Variants in C3orf70 observed in about 807,000 individuals in gnomAD.
The protein encoded by C3orf70 is UPF0524 protein C3orf70.
Under a neutral mutation model 20.7 loss-of-function variants are expected in C3orf70, and 15 were observed. The ratio of observed to expected loss-of-function variants is 0.72; its 90% CI spans 0.48 to 1.11. The LOEUF (loss-of-function observed/expected upper bound fraction) is 1.11. C3orf70 is among the 50% of genes most tolerant of loss of function. The pLI, the probability that C3orf70 is intolerant of heterozygous loss-of-function variation, is 0.00. For missense variants in C3orf70, 332 were observed against 317.6 expected (o/e 1.05, Z -0.34); for synonymous variants, 161 against 125.7 (o/e 1.28, Z -1.88).
At chr3:185,107,306 C>T (rs536832089) in intron 1 of C3orf70, among the ~76,000 whole-genome samples, 3 of 152,234 alleles carry the variant, frequency 2.0e-5, no homozygotes, top group South Asian at 2.1e-4. Context: ...TTATAACTTC[C>T]GTACCTATAA....
intron 1 of C3orf70, among the ~76,000 whole-genome samples, chr3:185,092,179 G>GT: frequency 6.6e-6 from 1 of 151,860 alleles, no homozygotes; most frequent in Admixed American, 6.6e-5. Context: ...ACTTCAGAAG[G>GT]TGGTTGAATG....
At chr3:185,148,605 C>T (rs1178469723) in intron 1 of C3orf70, among the ~76,000 whole-genome samples, 1 of 152,190 alleles carries the variant, frequency 6.6e-6, no homozygotes, top group East Asian at 1.9e-4. Flanking sequence ...CCTCCTCTCT[C>T]GCGAAGCCAT....
At chr3:185,134,515 T>C (rs1716583157) in intron 1 of C3orf70, among the ~76,000 whole-genome samples, 1 of 152,100 alleles carries the variant, frequency 6.6e-6, no homozygotes, top group Admixed American at 6.5e-5. Flanking sequence ...TCCTCCTATT[T>C]GCCAGACTTG....
chr3:185,137,600 A>C (rs1161497249), intron 1 of C3orf70, among the ~76,000 whole-genome samples: 1 of 152,234 alleles, frequency 6.6e-6, no homozygotes, highest in African/African-American at 2.4e-5. Flanking sequence ...TCAAGCGAGA[A>C]ACCAGTTAAT....
At chr3:185,126,769 C>G (rs748910413) in intron 1 of C3orf70, among the ~76,000 whole-genome samples, 2 of 152,184 alleles carry the variant, frequency 1.3e-5, no homozygotes, top group African/African-American at 2.4e-5. Context: ...TCAAAACTTA[C>G]AGAGCACATG....
intron 1 of C3orf70, among the ~76,000 whole-genome samples, chr3:185,112,867 TTTC>T (rs1432686534): frequency 7.3e-4 from 111 of 152,308 alleles, no homozygotes; most frequent in African/African-American, 2.6e-3. Flanking sequence ...TAATTAATAT[TTTC>T]TTTTTTTGAA....
intron 1 of C3orf70, among the ~76,000 whole-genome samples, chr3:185,086,662 G>C (rs1397919145): frequency 6.6e-6 from 1 of 152,188 alleles, no homozygotes; most frequent in Non-Finnish European, 1.5e-5. Context: ...AACTGACCAG[G>C]ACATGTAGTA....
rs1269939910 is a variant in C3orf70, at chr3:185,091,943, ATATATATATATATATATATATTTT to A, written c.197-8404_197-8381del. Among the ~76,000 whole-genome samples the A allele has an allele frequency of 4.7e-3, 38 of 8,000 alleles. 2 individuals are homozygous for A. The highest frequency in any genetic ancestry group is 8.6e-3 in the African/African-American group (23 of 2,686). 5.2% of individuals were successfully genotyped at this position (8,000 alleles called of 152,430 possible). ...TATATATATATATATATATATATAT[ATATATATATATATATATATATTTT>A]TTTTTTTTTTTAGTAGAGACAGGGT... On this transcript the variant is annotated intron_variant, in intron 1 of 1. Transcript: ENST00000335012.
At chr3:185,142,842 T>A (rs986061596) in intron 1 of C3orf70, among the ~76,000 whole-genome samples, 1 of 152,180 alleles carries the variant, frequency 6.6e-6, no homozygotes, top group Non-Finnish European at 1.5e-5. Context: ...CAAAAATGTT[T>A]AATCTAAATC....
intron 1 of C3orf70, among the ~76,000 whole-genome samples, chr3:185,095,926 G>A (rs371402243): frequency 2.6e-5 from 4 of 151,900 alleles, no homozygotes; most frequent in East Asian, 3.9e-4. Context: ...TAGTAGAGAC[G>A]GGGTTTCACC....
chr3:185,092,658 T>C lies in C3orf70; in HGVS notation c.197-9095A>G, dbSNP rs138295681. Among the ~76,000 whole-genome samples the C allele has an allele frequency of 3.0e-3, 454 of 152,154 alleles. 5 individuals are homozygous for C. The highest frequency in any genetic ancestry group is 0.01 in the African/African-American group (434 of 41,534). On this transcript the variant is annotated intron_variant, in intron 1 of 1. Coordinates refer to ENST00000335012, the MANE Select transcript of C3orf70 (RefSeq NM_001025266.3). ...AAATGATTAAAACCAATAAAAGTGA[T>C]AGGCAAAAAGTGGTAAGAAAGTAAA...
intron 1 of C3orf70, among the ~76,000 whole-genome samples, chr3:185,135,747 C>T (rs745550629): frequency 9.2e-5 from 14 of 152,060 alleles, no homozygotes; most frequent in Non-Finnish European, 1.9e-4. Context: ...CAAAATATCA[C>T]ATGTATCCCA....
Position 185,132,424 on chromosome 3 carries a change from CAAA to C in C3orf70, c.196+20201_196+20203del, listed in dbSNP as rs68193448. Among the ~76,000 whole-genome samples the C allele has an allele frequency of 4.8e-5, 7 of 147,052 alleles. No individual in the cohort carries two copies. In the East Asian group the frequency reaches 8.0e-4, roughly 17 times the overall value. ...ATCAAATAGAAGATCTGTAAAATACCAAAAAAAAAAAAAGATTAAAAACTCAAT... is the reference window on the plus strand; with the variant it reads ...ATCAAATAGAAGATCTGTAAAATACCAAAAAAAAAAGATTAAAAACTCAAT... On this transcript the variant is annotated intron_variant, in intron 1 of 1. Coordinates refer to ENST00000335012, the MANE Select transcript of C3orf70 (RefSeq NM_001025266.3).
rs867610704 is a variant in C3orf70, at chr3:185,079,267, C to A, written c.*3740G>T. The stretch of plus-strand genomic sequence containing the variant: ...CTGCACTCCAGCCTGGGTGAAGGAG[C>A]GAGACTCTGTCTCAAAAAAAAAAAA... On this transcript the variant is annotated 3_prime_UTR_variant, in exon 2 of 2. Coordinates refer to ENST00000335012, the MANE Select transcript of C3orf70 (RefSeq NM_001025266.3). 2 of 105,398 alleles carry A rather than the reference C, an allele frequency of 1.9e-5. No individual in the cohort carries two copies. The highest frequency in any genetic ancestry group is 8.2e-5 in the African/African-American group (2 of 24,464). 6.5% of individuals were successfully genotyped at this position (105,398 alleles called of 1,614,324 possible).
chr3:185,101,883 G>T (rs1399955776), intron 1 of C3orf70, among the ~76,000 whole-genome samples: 1 of 152,148 alleles, frequency 6.6e-6, no homozygotes, highest in Non-Finnish European at 1.5e-5. Context: ...ATTCCTTCAT[G>T]TTAAAAACTC....
At chr3:185,152,044 G>C (rs1716997521) in intron 1 of C3orf70, among the ~76,000 whole-genome samples, 1 of 152,136 alleles carries the variant, frequency 6.6e-6, no homozygotes, top group Admixed American at 6.5e-5. Context: ...GGTATTTAAG[G>C]AGCTCGACCT....
At chr3:185,094,074 G>GTTTTTT (rs71162282) in intron 1 of C3orf70, among the ~76,000 whole-genome samples, 27 of 80,642 alleles carry the variant, frequency 3.3e-4, no homozygotes, top group South Asian at 5.5e-4. Flanking sequence ...ATACCCTGGG[G>GTTTTTT]TTTTTTTTTT....
intron 1 of C3orf70, among the ~76,000 whole-genome samples, chr3:185,110,137 A>G (rs1716040096): frequency 6.6e-6 from 1 of 152,240 alleles, no homozygotes; most frequent in African/African-American, 2.4e-5. Flanking sequence ...GGCCCGCTGT[A>G]GGAGCTAAAC....
chr3:185,122,215 T>A (rs1716317649), intron 1 of C3orf70, among the ~76,000 whole-genome samples: 7 of 151,914 alleles, frequency 4.6e-5, no homozygotes, highest in Admixed American at 4.6e-4. Flanking sequence ...ACCAGTAATA[T>A]TACCAAGGAT....
Sources: allele counts gnomAD v4.1 joint callset (sites outside exome capture counted in the v4.1 genomes callset), GRCh38; gene constraint gnomAD v4.1.1; transcripts MANE v1.5; gene names NCBI Gene and HGNC (gene_info 2026-07-23, HGNC 2026-07-21).